Variants in TRIQK observed in about 807,000 individuals in gnomAD.
The protein encoded by TRIQK is triple QxxK/R motif containing.
In TRIQK, 10 loss-of-function variants were observed where a neutral mutation model predicts 10.8. The observed-to-expected ratio is 0.92, with a 90% CI of 0.57 to 1.57. The LOEUF is 1.57. Ranked by LOEUF, TRIQK falls within the 40% of genes most tolerant of loss-of-function variation. The pLI is 0.00. For missense variants in TRIQK, 107 were observed against 97.7 expected (o/e 1.09, Z -0.40); for synonymous variants, 33 against 33.7 (o/e 0.98, Z 0.07).
chr8:92,905,771 C>T (rs1194521944), intron 3 of TRIQK, among the ~76,000 whole-genome samples: 2 of 152,086 alleles, frequency 1.3e-5, no homozygotes, highest in Non-Finnish European at 2.9e-5. Context: ...ATAGAAGCAA[C>T]CCTTCAGCAG....
At chr8:92,887,773 G>A (rs1816562222) in intron 4 of TRIQK, among the ~76,000 whole-genome samples, 1 of 151,400 alleles carries the variant, frequency 6.6e-6, no homozygotes, top group South Asian at 2.1e-4. Context: ...AATGAATTTG[G>A]CTTATAATCA....
chr8:92,957,349 GATACACATAT>G (rs1476012640), intron 1 of TRIQK, among the ~76,000 whole-genome samples: 1 of 151,366 alleles, frequency 6.6e-6, no homozygotes. Context: ...TACACATACA[GATACACATAT>G]ATACACATAT....
At chr8:92,907,906 T>G (rs1204786902) in intron 3 of TRIQK, among the ~76,000 whole-genome samples, 2 of 152,120 alleles carry the variant, frequency 1.3e-5, no homozygotes, top group Non-Finnish European at 2.9e-5. Flanking sequence ...TAATAACTAT[T>G]TAAATACCTT....
intron 1 of TRIQK, among the ~76,000 whole-genome samples, chr8:92,990,836 ACACCAAGCTAGCTG>A (rs1175810510): frequency 6.6e-6 from 1 of 152,140 alleles, no homozygotes; most frequent in African/African-American, 2.4e-5. Context: ...ATTTGGGCAG[ACACCAAGCTAGCTG>A]CAGGAGTTTT....
At chr8:93,012,400 T>C (rs180962915) in intron 1 of TRIQK, among the ~76,000 whole-genome samples, 211 of 152,184 alleles carry the variant, frequency 1.4e-3, no homozygotes, top group African/African-American at 4.8e-3. Context: ...ATATATAAAC[T>C]AGAGGGAGAA....
intron 2 of TRIQK, among the ~76,000 whole-genome samples, chr8:92,950,380 C>T (rs1212088850): frequency 2.0e-5 from 3 of 152,092 alleles, no homozygotes; most frequent in Non-Finnish European, 4.4e-5. Flanking sequence ...TATGTACATA[C>T]AAAAGGCTTA....
At chr8:93,002,861 A>G (rs80306593) in intron 1 of TRIQK, among the ~76,000 whole-genome samples, 34,023 of 151,436 alleles carry the variant, frequency 0.22, 4,032 homozygotes, top group Non-Finnish European at 0.25. Flanking sequence ...CAGAGGTTGC[A>G]GTGACCCGAG....
intron 1 of TRIQK, among the ~76,000 whole-genome samples, chr8:92,955,738 A>C (rs997374882): frequency 6.6e-6 from 1 of 151,814 alleles, no homozygotes; most frequent in African/African-American, 2.4e-5. Flanking sequence ...AAAAGATCAA[A>C]TAATACAATT....
intron 4 of TRIQK, among the ~76,000 whole-genome samples, chr8:92,890,805 TGACA>T (rs1377172032): frequency 6.6e-6 from 1 of 152,038 alleles, no homozygotes; most frequent in African/African-American, 2.4e-5. Context: ...TTGAGGGCAA[TGACA>T]GACAATGTTC....
At chr8:92,994,078 G>A (rs1813125895) in intron 1 of TRIQK, among the ~76,000 whole-genome samples, 1 of 152,070 alleles carries the variant, frequency 6.6e-6, no homozygotes, top group Non-Finnish European at 1.5e-5. Flanking sequence ...AGAGCCCTTA[G>A]TTATTTTTGT....
At position 92,884,853 on chromosome 8, in the gene TRIQK, G is replaced by A; in HGVS notation, c.*1769C>T. 2 of 455,810 alleles carry A rather than the reference G, an allele frequency of 4.4e-6. No individual in the cohort carries two copies. Among genetic ancestry groups the A allele is most frequent in the East Asian group, 7.0e-5 (1 of 14,314 alleles). 28.2% of individuals were successfully genotyped at this position (455,810 alleles called of 1,614,324 possible). ...ACGTAAATGTGATGGGAGTGGGGGGGTGGGGAGCAGTATTTCTTGACATGT... is the reference window on the plus strand; with the variant it reads ...ACGTAAATGTGATGGGAGTGGGGGGATGGGGAGCAGTATTTCTTGACATGT... On this transcript the variant is annotated 3_prime_UTR_variant, in exon 5 of 5. Transcript: ENST00000521988.
At chr8:92,994,694 T>C (rs556699895) in intron 1 of TRIQK, among the ~76,000 whole-genome samples, 1 of 152,006 alleles carries the variant, frequency 6.6e-6, no homozygotes, top group African/African-American at 2.4e-5. Context: ...CTCAATCCAA[T>C]ATATATTTTT....
At chr8:92,951,816 C>T (rs1811925972) in intron 2 of TRIQK, among the ~76,000 whole-genome samples, 1 of 152,088 alleles carries the variant, frequency 6.6e-6, no homozygotes, top group African/African-American at 2.4e-5. Context: ...CAACTCTAGC[C>T]CACTCTAGCT....
chr8:92,955,126 C>T (rs1186633397), intron 1 of TRIQK, among the ~76,000 whole-genome samples: 1 of 151,762 alleles, frequency 6.6e-6, no homozygotes, highest in East Asian at 1.9e-4. Context: ...AGGCAATGAA[C>T]TTATGTCAAG....
At chr8:92,915,264 G>A (rs1265381628) in intron 3 of TRIQK, among the ~76,000 whole-genome samples, 1 of 152,000 alleles carries the variant, frequency 6.6e-6, no homozygotes, top group Non-Finnish European at 1.5e-5. Flanking sequence ...TATGTAGGAT[G>A]AATAAACTAT....
chr8:92,989,866 A>C (rs961028757), intron 1 of TRIQK, among the ~76,000 whole-genome samples: 1 of 152,212 alleles, frequency 6.6e-6, no homozygotes, highest in Admixed American at 6.5e-5. Context: ...ATGTATTGAC[A>C]CATTTGACTA....
intron 4 of TRIQK, among the ~76,000 whole-genome samples, chr8:92,887,615 G>A (rs1289039099): frequency 6.6e-6 from 1 of 151,208 alleles, no homozygotes; most frequent in Non-Finnish European, 1.5e-5. Flanking sequence ...ATCCTAAAGG[G>A]CTTACATACT....
At position 92,891,983 on chromosome 8, in the gene TRIQK, G is replaced by T; in HGVS notation, c.147+6C>A. 2 of 1,527,826 alleles carry T rather than the reference G, an allele frequency of 1.3e-6. No individual in the cohort carries two copies. The highest frequency in any genetic ancestry group is 1.2e-5 in the South Asian group (1 of 83,042). 94.6% of individuals were successfully genotyped at this position (1,527,826 alleles called of 1,614,324 possible). On this transcript the variant is annotated splice_donor_region_variant and intron_variant, in intron 4 of 4. Transcript: ENST00000521988. ...CAAATTTTAAAGTTATCAAATAGAG[G>T]TTTACCTTTATGCCTATTGCTGTTT...
At chr8:93,009,068 C>T (rs2130761939) in intron 1 of TRIQK, among the ~76,000 whole-genome samples, 1 of 152,268 alleles carries the variant, frequency 6.6e-6, no homozygotes, top group East Asian at 1.9e-4. Flanking sequence ...GTAAACTGCA[C>T]ATATTCATCC....
Sources: allele counts gnomAD v4.1 joint callset (sites outside exome capture counted in the v4.1 genomes callset), GRCh38; gene constraint gnomAD v4.1.1; transcripts MANE v1.5; gene names NCBI Gene and HGNC (gene_info 2026-07-23, HGNC 2026-07-21).